TTLL9: variants seen among roughly 807,000 people sequenced by gnomAD.
The protein encoded by TTLL9 is probable tubulin polyglutamylase TTLL9.
TTLL9 carries 47 observed loss-of-function variants against 65.6 expected under a neutral mutation model. The ratio of observed to expected loss-of-function variants is 0.72; its 90% CI spans 0.57 to 0.91. The LOEUF is 0.91. TTLL9 is among the 40% of genes least tolerant of loss of function. The pLI is 0.00. For missense variants in TTLL9, 537 were observed against 568.8 expected (o/e 0.94, Z 0.57); for synonymous variants, 179 against 204.8 (o/e 0.87, Z 1.07).
At chr20:31,909,973 C>T in intron 6 of TTLL9, 51 bp downstream of exon 6, 2 of 1,559,422 alleles carry the variant, frequency 1.3e-6, no homozygotes, top group South Asian at 2.3e-5. Context: ...TCCCAGGTGC[C>T]ATAGCAGGGA....
intron 3 of TTLL9, among the ~76,000 whole-genome samples, chr20:31,893,533 C>T (rs1387089806): frequency 2.0e-5 from 3 of 152,068 alleles, no homozygotes; most frequent in Admixed American, 6.6e-5. Context: ...TCAGGTGATC[C>T]GCTTGCCTCA....
Position 31,943,702 on chromosome 20 carries a change from T to TA in TTLL9, c.*682dup. On this transcript the variant is annotated 3_prime_UTR_variant, in exon 15 of 15. Transcript: ENST00000535842. ...CAAGACAGACCAGGGAGGCAGAGCT[T>TA]AGTGAGGGTCTCTGCAAAGGTGCAT... The TA allele has an allele frequency of 2.2e-6, 1 of 456,532 alleles. No individual in the cohort carries two copies. The highest frequency in any genetic ancestry group is 1.5e-5 in the South Asian group (1 of 64,558). 28.3% of individuals were successfully genotyped at this position (456,532 alleles called of 1,614,324 possible).
At chr20:31,880,831 T>C (rs1024782769) in intron 2 of TTLL9, among the ~76,000 whole-genome samples, 1 of 149,766 alleles carries the variant, frequency 6.7e-6, no homozygotes, top group African/African-American at 2.5e-5. Flanking sequence ...GAATGGCACC[T>C]TCATTTCTCT....
intron 9 of TTLL9, 30 bp from the exon 10 acceptor site, chr20:31,926,019 C>T: frequency 6.2e-7 from 1 of 1,613,552 alleles, no homozygotes; most frequent in Non-Finnish European, 8.5e-7. Flanking sequence ...ACACTCTGGC[C>T]AGTCCCAAGT....
intron 14 of TTLL9, among the ~76,000 whole-genome samples, chr20:31,941,524 C>A (rs1279307586): frequency 1.4e-4 from 21 of 151,926 alleles, no homozygotes; most frequent in Admixed American, 1.4e-3. Flanking sequence ...CCAGGTGATT[C>A]CAATATGCAG....
chr20:31,901,727 G>A (rs958611078), intron 4 of TTLL9, among the ~76,000 whole-genome samples: 1 of 152,164 alleles, frequency 6.6e-6, no homozygotes, highest in African/African-American at 2.4e-5. Flanking sequence ...TTTTGACTAG[G>A]CTGCACCTCC....
At chr20:31,877,859 C>T (rs938438906) in intron 2 of TTLL9, among the ~76,000 whole-genome samples, 15 of 152,200 alleles carry the variant, frequency 9.9e-5, no homozygotes, top group Non-Finnish European at 7.4e-5. Context: ...GGGGAAAATA[C>T]ACATCTTTCT....
chr20:31,890,154 C>CTTCTTTCTTTTTCTTTCTTTCT, intron 3 of TTLL9, among the ~76,000 whole-genome samples: 1 of 13,578 alleles, frequency 7.4e-5, no homozygotes, highest in East Asian at 9.1e-4. Context: ...TCCTTCCTTC[C>CTTCTTTCTTTTTCTTTCTTTCT]TTCTTTCTTT....
At chr20:31,932,926 G>A (rs2123617976) in intron 10 of TTLL9, among the ~76,000 whole-genome samples, 1 of 152,244 alleles carries the variant, frequency 6.6e-6, no homozygotes, top group Non-Finnish European at 1.5e-5. Context: ...AGCTCGGGAG[G>A]CGGAGGTTGC....
At chr20:31,922,850 C>A in intron 7 of TTLL9, 113 bp from the exon 8 acceptor site, 1 of 780,584 alleles carries the variant, frequency 1.3e-6, no homozygotes, top group Non-Finnish European at 2.1e-6. Context: ...ACTTACCTGA[C>A]AGGGTTGATT....
intron 6 of TTLL9, among the ~76,000 whole-genome samples, chr20:31,917,570 G>C (rs2063753888): frequency 6.6e-6 from 1 of 152,196 alleles, no homozygotes; most frequent in Admixed American, 6.5e-5. Context: ...TAGGATAGAG[G>C]ATGCCTATGT....
chr20:31,925,186 C>G, intron 9 of TTLL9, 137 bp downstream of exon 9: 2 of 875,346 alleles, frequency 2.3e-6, no homozygotes, highest in Non-Finnish European at 3.5e-6. Flanking sequence ...CCCCGAGGGA[C>G]ATCTAGGGAT....
In TTLL9 at chr20:31,942,993, TTCAAGTTCAGAAGAAA is replaced by T. The variant is rs776564878; in HGVS notation, c.1293_1308del (p.Gln432LeufsTer14). On this transcript the variant is annotated frameshift_variant, in exon 15 of 15. Transcript: ENST00000535842. LOFTEE classifies it high-confidence loss of function. ...CAACTGAGGCAGCTCTTCTGCTCCC[TTCAAGTTCAGAAGAAA>T]GCTTCCAGTTGATCCCCAGCTGCCA... 2.3e-5 allele frequency: 37 copies of T among 1,614,008 alleles called. No homozygotes were observed. The highest frequency in any genetic ancestry group is 3.0e-5 in the Non-Finnish European group (35 of 1,180,024).
chr20:31,934,872 G>A lies in TTLL9; in HGVS notation c.988G>A (p.Asp330Asn), dbSNP rs766884478. 4 of 1,611,648 alleles carry A rather than the reference G, an allele frequency of 2.5e-6. No individual in the cohort carries two copies. The highest frequency in any genetic ancestry group is 2.7e-5 in the African/African-American group (2 of 74,874). Residue 330 changes from aspartate to asparagine, a missense_variant, in exon 12 of 15, where the codon GAC (aspartate) becomes AAC (asparagine). By Grantham distance (23) the Asp-to-Asn change is conservative. Coordinates refer to ENST00000535842, the MANE Select transcript of TTLL9 (RefSeq NM_001008409.5). ...GCTGTACGGCTATGACATCCTCATC[G>A]ACCAGGACCTCAAGCCGTAAGTGGG... is the stretch of plus-strand genomic sequence containing the variant. ...FELYGYDILI[D>N]QDLKPWLLEV...
intron 2 of TTLL9, among the ~76,000 whole-genome samples, chr20:31,873,821 GAAGAAAGAAAGAAAGA>G (rs200264258): frequency 0.042 from 4,029 of 95,776 alleles, 91 homozygotes; most frequent in Middle Eastern, 0.054. Flanking sequence ...AGGAAGGAAG[GAAGAAAGAAAGAAAGA>G]AAGAAAGAAA....
At chr20:31,891,362 G>T (rs1320989702) in intron 3 of TTLL9, among the ~76,000 whole-genome samples, 2 of 152,130 alleles carry the variant, frequency 1.3e-5, no homozygotes, top group Non-Finnish European at 2.9e-5. Context: ...TTTGGTATTT[G>T]TCTGATTTTT....
chr20:31,903,166 AC>A (rs1184294243), intron 4 of TTLL9, among the ~76,000 whole-genome samples: 6 of 151,858 alleles, frequency 4.0e-5, no homozygotes, highest in Non-Finnish European at 7.4e-5. Context: ...CACCGTACCC[AC>A]CCTCACATTT....
In TTLL9 at chr20:31,870,868, G is replaced by C. The variant is rs2062914882; in HGVS notation, c.-87G>C. On this transcript the variant is annotated 5_prime_UTR_variant, in exon 1 of 15. Coordinates refer to ENST00000535842, the MANE Select transcript of TTLL9 (RefSeq NM_001008409.5). This position sits in a 1 kb window ranked among gnomAD's most constrained non-coding sequence, Gnocchi z 6.6. ...GAAAGCACCCAACTTCTCCCGCCTC[G>C]GCTTCTAGCAGAAACGTGACGGGGC... 7.4e-6 allele frequency: 4 copies of C among 538,510 alleles called. No individual in the cohort carries two copies. The East Asian group carries it at 9.3e-5, about 13-fold the overall frequency. The allele number at this position is 538,510 out of a possible 1,614,324, so 33.4% of individuals were successfully genotyped here. A position where few individuals can be genotyped will look rare whatever the true frequency, so the allele number is the denominator to read the frequency against.
At chr20:31,934,568 C>T (rs1365118888) in intron 11 of TTLL9, 124 bp from the exon 12 acceptor site, 1 of 894,488 alleles carries the variant, frequency 1.1e-6, no homozygotes, top group Non-Finnish European at 1.7e-6. Context: ...AATTACAGGG[C>T]TCAGGGCTGG....
Sources: allele counts gnomAD v4.1 joint callset (sites outside exome capture counted in the v4.1 genomes callset), GRCh38; gene constraint gnomAD v4.1.1; non-coding constraint Gnocchi (gnomAD v3.1); transcripts MANE v1.5; gene names NCBI Gene and HGNC (gene_info 2026-07-23, HGNC 2026-07-21).